HIVEP3: variants seen among roughly 807,000 people sequenced by gnomAD.
HIVEP3 encodes the protein HIVEP zinc finger 3.
A neutral mutation model predicts 152.8 loss-of-function variants in HIVEP3; 49 were observed. The observed-to-expected ratio is 0.32, with a 90% confidence interval of 0.26 to 0.41. HIVEP3 has a LOEUF of 0.41. Ranked by LOEUF, HIVEP3 falls within the 10% of genes least tolerant of loss-of-function variation. The probability of loss-of-function intolerance (pLI) is 1.00; values close to 1 mark genes in which losing one functional copy is unlikely to be tolerated. For missense variants in HIVEP3, 2,790 were observed against 3,103.3 expected (o/e 0.90, Z 2.40); for synonymous variants, 1,269 against 1,289.0 (o/e 0.98, Z 0.33).
intron 1 of HIVEP3, among the ~76,000 whole-genome samples, chr1:41,938,726 T>G (rs1258033122): frequency 6.6e-6 from 1 of 152,224 alleles, no homozygotes; most frequent in Non-Finnish European, 1.5e-5. Context: ...AAAATTATGC[T>G]GAGATTTTGC....
At chr1:42,002,591 G>A (rs893161411) in intron 1 of HIVEP3, among the ~76,000 whole-genome samples, 1 of 152,156 alleles carries the variant, frequency 6.6e-6, no homozygotes, top group African/African-American at 2.4e-5. Context: ...ATCACTCAGG[G>A]GTGCTTTTAA....
At chr1:41,565,908 C>T (rs1644155841) in intron 5 of HIVEP3, among the ~76,000 whole-genome samples, 1 of 152,238 alleles carries the variant, frequency 6.6e-6, no homozygotes, top group Admixed American at 6.5e-5. Flanking sequence ...TACTCAGACA[C>T]TCAGTCTGCC....
chr1:41,571,920 G>A (rs1299535393), intron 5 of HIVEP3, among the ~76,000 whole-genome samples: 2 of 152,194 alleles, frequency 1.3e-5, no homozygotes, highest in African/African-American at 4.8e-5. Flanking sequence ...CAACTTTGGA[G>A]TTCTAGAGAT....
At chr1:41,937,734 T>C (rs1446367323) in intron 1 of HIVEP3, among the ~76,000 whole-genome samples, 1 of 152,234 alleles carries the variant, frequency 6.6e-6, no homozygotes, top group Non-Finnish European at 1.5e-5. Flanking sequence ...TCCCTGGTCA[T>C]GGACTTTTCA....
intron 1 of HIVEP3, among the ~76,000 whole-genome samples, chr1:41,723,862 C>T (rs1646714023): frequency 6.6e-6 from 1 of 152,094 alleles, no homozygotes; most frequent in Non-Finnish European, 1.5e-5. Flanking sequence ...TTCTTCTGGT[C>T]AAGGCTGGAA....
intron 5 of HIVEP3, among the ~76,000 whole-genome samples, chr1:41,530,799 C>T (rs974766790): frequency 1.3e-5 from 2 of 152,216 alleles, no homozygotes; most frequent in Non-Finnish European, 2.9e-5. Flanking sequence ...CCTTCATTTC[C>T]TCCTCCACAT....
At chr1:41,976,112 C>A (rs1295544328) in intron 1 of HIVEP3, among the ~76,000 whole-genome samples, 1 of 151,972 alleles carries the variant, frequency 6.6e-6, no homozygotes, top group East Asian at 1.9e-4. Flanking sequence ...GTGATTAGAG[C>A]TATGACCCAC....
chr1:41,715,215 G>A (rs1037283439), intron 1 of HIVEP3, among the ~76,000 whole-genome samples: 2 of 152,236 alleles, frequency 1.3e-5, no homozygotes, highest in African/African-American at 4.8e-5. Context: ...CAGCCTGGCA[G>A]ACTCCCTGGG....
intron 2 of HIVEP3, among the ~76,000 whole-genome samples, chr1:41,693,164 G>A (rs569662425): frequency 3.8e-4 from 58 of 152,312 alleles, no homozygotes; most frequent in Non-Finnish European, 6.5e-4. Flanking sequence ...ATGCTCTGCT[G>A]CTTTCCTACA....
At chr1:41,792,136 T>C (rs1649735380) in intron 1 of HIVEP3, among the ~76,000 whole-genome samples, 1 of 152,176 alleles carries the variant, frequency 6.6e-6, no homozygotes, top group African/African-American at 2.4e-5. Flanking sequence ...AGGTCCTGAG[T>C]TGCTTGAGGC....
intron 1 of HIVEP3, among the ~76,000 whole-genome samples, chr1:41,742,845 G>A (rs782657): frequency 0.13 from 20,384 of 152,138 alleles, 3,819 homozygotes; most frequent in African/African-American, 0.41. Context: ...GAGAATCTGT[G>A]TAACAGGGGA....
intron 5 of HIVEP3, among the ~76,000 whole-genome samples, chr1:41,555,673 G>C (rs1308805369): frequency 6.6e-6 from 1 of 152,210 alleles, no homozygotes; most frequent in African/African-American, 2.4e-5. Flanking sequence ...GTGGTATTAA[G>C]TACATTCACA....
At chr1:41,935,425 C>T (rs1645015433) in intron 1 of HIVEP3, among the ~76,000 whole-genome samples, 2 of 152,106 alleles carry the variant, frequency 1.3e-5, no homozygotes, top group African/African-American at 4.8e-5. Context: ...AAAGGTCCAT[C>T]CTTGCATAAG....
intron 5 of HIVEP3, among the ~76,000 whole-genome samples, chr1:41,574,028 G>C (rs2149098777): frequency 1.3e-5 from 2 of 152,252 alleles, no homozygotes; most frequent in Middle Eastern, 6.8e-3. Context: ...CCTTTCTGGA[G>C]GCTCAGGCTT....
chr1:42,027,476 CAA>C (rs1387991185), intron 1 of HIVEP3, among the ~76,000 whole-genome samples: 1 of 152,096 alleles, frequency 6.6e-6, no homozygotes, highest in Non-Finnish European at 1.5e-5. Context: ...GAATAAAATC[CAA>C]AGTCTTTAAT....
At chr1:41,913,777 C>T (rs1205221258) in intron 1 of HIVEP3, among the ~76,000 whole-genome samples, 2 of 152,336 alleles carry the variant, frequency 1.3e-5, no homozygotes, top group East Asian at 3.9e-4. Flanking sequence ...AAATTGGTGA[C>T]TGAGATTCGG....
intron 1 of HIVEP3, among the ~76,000 whole-genome samples, chr1:41,928,558 T>C (rs1644979401): frequency 6.6e-6 from 1 of 152,234 alleles, no homozygotes; most frequent in South Asian, 2.1e-4. Context: ...TACCAGTTTT[T>C]CCACTGATGT....
At chr1:41,630,278 G>C (rs1037227828) in intron 2 of HIVEP3, among the ~76,000 whole-genome samples, 21 of 152,176 alleles carry the variant, frequency 1.4e-4, no homozygotes, top group Admixed American at 5.2e-4. Context: ...ACTACTGGGT[G>C]GGGGAGAGAG....
intron 2 of HIVEP3, among the ~76,000 whole-genome samples, chr1:41,673,664 C>T (rs1645911218): frequency 6.6e-6 from 1 of 152,152 alleles, no homozygotes; most frequent in Non-Finnish European, 1.5e-5. Context: ...GTTAGCTTCT[C>T]AAGCTTGAAG....
Sources: gnomAD v4.1 joint callset for allele counts (sites outside exome capture counted in the v4.1 genomes callset) on GRCh38, gnomAD v4.1.1 for gene constraint, MANE v1.5 for transcripts, NCBI Gene and HGNC (gene_info 2026-07-23, HGNC 2026-07-21) for gene names.